The following KIAA1549L variants were observed in gnomAD, a reference collection of about 807,000 sequenced individuals.
The protein encoded by KIAA1549L is UPF0606 protein KIAA1549L.
A neutral mutation model predicts 160.7 loss-of-function variants in KIAA1549L; 88 were observed. That is an observed-to-expected ratio of 0.55 (90% CI 0.46 to 0.65). The LOEUF is 0.65. KIAA1549L is among the 30% of genes least tolerant of loss of function. The probability of loss-of-function intolerance (pLI) is 0.00; values close to 1 mark genes in which losing one functional copy is unlikely to be tolerated. For missense variants in KIAA1549L, 2,258 were observed against 2,437.5 expected (o/e 0.93, Z 1.55); for synonymous variants, 950 against 976.7 (o/e 0.97, Z 0.51).
intron 1 of KIAA1549L, among the ~76,000 whole-genome samples, chr11:33,428,787 A>G (rs1054892412): frequency 5.9e-5 from 9 of 152,222 alleles, no homozygotes; most frequent in Admixed American, 5.9e-4. Context: ...TTATAGTAGC[A>G]TGATTTATAA....
At chr11:33,667,121 C>G (rs913120106) in intron 20 of KIAA1549L, among the ~76,000 whole-genome samples, 3 of 152,086 alleles carry the variant, frequency 2.0e-5, no homozygotes, top group African/African-American at 7.2e-5. Flanking sequence ...CACTCGAGCC[C>G]CAGAGTTCAA....
At chr11:33,511,658 C>T (rs1175332835) in intron 1 of KIAA1549L, among the ~76,000 whole-genome samples, 1 of 152,138 alleles carries the variant, frequency 6.6e-6, no homozygotes, top group Non-Finnish European at 1.5e-5. Context: ...AGGTCTAAGT[C>T]CCAAATATGC....
rs1347022618 is a variant in KIAA1549L at position 33,668,202 on chromosome 11, C to G, written c.*48C>G. The G allele has an allele frequency of 1.3e-6, 2 of 1,559,538 alleles. No homozygotes were observed. Among genetic ancestry groups the G allele is most frequent in the Middle Eastern group, 1.7e-4 (1 of 5,912 alleles). On this transcript the variant is annotated 3_prime_UTR_variant, in exon 21 of 21. Coordinates refer to ENST00000658780, the MANE Select transcript of KIAA1549L (RefSeq NM_012194.3). Reference sequence around the variant, plus strand: ...GGACTTCCAAACTCTGAGGACTCAGCCTTTGGGTTTCCCATGCCTACGTGT... The same window carrying G: ...GGACTTCCAAACTCTGAGGACTCAGGCTTTGGGTTTCCCATGCCTACGTGT...
chr11:33,443,160 AT>A (rs1172396077), intron 1 of KIAA1549L, among the ~76,000 whole-genome samples: 3 of 151,978 alleles, frequency 2.0e-5, no homozygotes, highest in African/African-American at 7.2e-5. Flanking sequence ...ATTTAGAGTG[AT>A]TCGTTTACTC....
At position 33,422,502 on chromosome 11, in the gene KIAA1549L, C is replaced by T. The variant is rs1851033914; in HGVS notation, c.238+45613C>T. 2.8e-5 allele frequency among the ~76,000 whole-genome samples: 4 copies of T among 143,660 alleles called. No homozygotes were observed. The South Asian group carries it at 1.0e-3, about 36-fold the overall frequency. 94.2% of individuals were successfully genotyped at this position (143,660 alleles called of 152,430 possible). A position where few individuals can be genotyped will look rare whatever the true frequency, so the allele number is the denominator to read the frequency against. On this transcript the variant is annotated intron_variant, in intron 1 of 20. Coordinates refer to ENST00000658780, the MANE Select transcript of KIAA1549L (RefSeq NM_012194.3). ...GACTCTCCTTAGCTGAATGGACTCC[C>T]TCCCTTCCCTCCCTCCCCTCCCTTC...
At chr11:33,495,830 G>C (rs1446904915) in intron 1 of KIAA1549L, among the ~76,000 whole-genome samples, 1 of 151,826 alleles carries the variant, frequency 6.6e-6, no homozygotes, top group Non-Finnish European at 1.5e-5. Flanking sequence ...TAACTGGTGT[G>C]AGATGGTATC....
chr11:33,507,528 G>A (rs538928840), intron 1 of KIAA1549L, among the ~76,000 whole-genome samples: 16 of 152,322 alleles, frequency 1.1e-4, no homozygotes, highest in African/African-American at 3.8e-4. Flanking sequence ...TCCTGGCAGG[G>A]AAGTCAGCTG....
rs7115140 is a variant in KIAA1549L at position 33,671,895 on chromosome 11, A to G, written c.*3741A>G. 1,257 of 152,364 alleles carry G rather than the reference A, an allele frequency of 8.2e-3. 21 individuals are homozygous for G. The highest frequency in any genetic ancestry group is 0.029 in the African/African-American group (1,218 of 41,584). 9.4% of individuals were successfully genotyped at this position (152,364 alleles called of 1,614,324 possible). On this transcript the variant is annotated 3_prime_UTR_variant, in exon 21 of 21. Transcript: ENST00000658780. ...ATAATTTGGATTTTATTTACAAACT[A>G]CATCCAAATACTCTTAAGGAAAGAG...
intron 7 of KIAA1549L, among the ~76,000 whole-genome samples, chr11:33,560,449 G>A (rs1854815494): frequency 6.6e-6 from 1 of 152,174 alleles, no homozygotes; most frequent in African/African-American, 2.4e-5. Flanking sequence ...CAGACCTTGA[G>A]GCTCGGTCCT....
intron 17 of KIAA1549L, among the ~76,000 whole-genome samples, chr11:33,650,140 C>T (rs1191599914): frequency 6.6e-6 from 1 of 152,202 alleles, no homozygotes; most frequent in Non-Finnish European, 1.5e-5. Flanking sequence ...GCCATTCTAT[C>T]ATAGCTGGAC....
intron 20 of KIAA1549L, among the ~76,000 whole-genome samples, chr11:33,661,474 A>G (rs577425667): frequency 1.3e-5 from 2 of 152,342 alleles, no homozygotes; most frequent in South Asian, 4.1e-4. Context: ...AATGCCAAGG[A>G]CAGAATTCAA....
At position 33,673,864 on chromosome 11, in the gene KIAA1549L, G is replaced by A. The variant is rs1182383048; in HGVS notation, c.*5710G>A. 6.6e-6 allele frequency: 1 copy of A among 152,190 alleles called. No homozygotes were observed. The highest frequency in any genetic ancestry group is 1.5e-5 in the Non-Finnish European group (1 of 68,032). The allele number at this position is 152,190 out of a possible 1,614,324, so 9.4% of individuals were successfully genotyped here. ...TGTCTATGATTTGGAGGATATGTAA[G>A]TACTTGTACATGTGCTTTAACTCTG... On this transcript the variant is annotated 3_prime_UTR_variant, in exon 21 of 21. Transcript: ENST00000658780.
At chr11:33,420,958 C>T (rs755855903) in intron 1 of KIAA1549L, among the ~76,000 whole-genome samples, 9 of 152,216 alleles carry the variant, frequency 5.9e-5, no homozygotes, top group Admixed American at 1.3e-4. Context: ...AGGGTCCCTC[C>T]GGCCCTGAGG....
intron 1 of KIAA1549L, among the ~76,000 whole-genome samples, chr11:33,425,795 TG>T (rs1851104542): frequency 6.6e-6 from 1 of 152,204 alleles, no homozygotes; most frequent in Non-Finnish European, 1.5e-5. Context: ...TCACCAGTAA[TG>T]AGATGTGTCA....
At position 33,609,832 on chromosome 11, in the gene KIAA1549L, C is replaced by A; in HGVS notation, c.5145C>A (p.Tyr1715Ter). The change falls in exon 15 of 21, where the codon TAC becomes TAA. Residue 1715 changes from tyrosine (Y) to a stop codon, truncating the protein, a stop_gained. Coordinates refer to ENST00000658780, the MANE Select transcript of KIAA1549L (RefSeq NM_012194.3). LOFTEE classifies it high-confidence loss of function. ...TCAAAGCCAAGAGGAAGGGATATTA[C>A]GACTTCCCTGCAGTGGAGACGAGCA... The part of the protein sequence containing the change: ...LRLKAKRKGY[Y>*]DFPAVETSKG... 1 of 1,613,784 alleles carries A rather than the reference C, an allele frequency of 6.2e-7. No homozygotes were observed. Among genetic ancestry groups the A allele is most frequent in the Non-Finnish European group, 8.5e-7 (1 of 1,179,744 alleles).
At chr11:33,429,693 A>G (rs1246746022) in intron 1 of KIAA1549L, among the ~76,000 whole-genome samples, 1 of 151,858 alleles carries the variant, frequency 6.6e-6, no homozygotes, top group Non-Finnish European at 1.5e-5. Flanking sequence ...TTTCCTTTGT[A>G]TCTCTTCTAC....
Position 33,543,169 on chromosome 11 carries a change from C to T in KIAA1549L, c.1606C>T (p.Pro536Ser), listed in dbSNP as rs1381615964. 1 of 1,613,918 alleles carries T rather than the reference C, an allele frequency of 6.2e-7. No homozygotes were observed. The highest frequency in any genetic ancestry group is 1.7e-5 in the Admixed American group (1 of 60,016). Reference sequence around the variant, plus strand: ...AGCAGAGGGCAGTGATGGGTCCCCTCCTGCAACTAGAGACTTGCTCCTCTC... The same window carrying T: ...AGCAGAGGGCAGTGATGGGTCCCCTTCTGCAACTAGAGACTTGCTCCTCTC... ...LPAEGSDGSP[P>S]ATRDLLLSSK... Residue 536 changes from proline to serine, a missense_variant, in exon 2 of 21, where the codon CCT becomes TCT. Pro to Ser is a moderately conservative substitution (Grantham distance 74, BLOSUM62 -1). Transcript: ENST00000658780.
chr11:33,626,473 C>G (rs1270947037), intron 16 of KIAA1549L, among the ~76,000 whole-genome samples: 1 of 149,624 alleles, frequency 6.7e-6, no homozygotes, highest in African/African-American at 2.5e-5. Flanking sequence ...AGAGGTCCTT[C>G]ACATCCCTTG....
intron 1 of KIAA1549L, among the ~76,000 whole-genome samples, chr11:33,524,433 C>G (rs192222282): frequency 6.6e-6 from 1 of 151,916 alleles, no homozygotes; most frequent in Non-Finnish European, 1.5e-5. Context: ...CTTATTTATC[C>G]TTGCTGCTAC....
Sources: allele counts gnomAD v4.1 joint callset (sites outside exome capture counted in the v4.1 genomes callset), GRCh38; gene constraint gnomAD v4.1.1; transcripts MANE v1.5; gene names NCBI Gene and HGNC (gene_info 2026-07-23, HGNC 2026-07-21).